SPIN2A: variants seen among roughly 807,000 people sequenced by gnomAD.
The protein encoded by SPIN2A is spindlin family member 2A, also known as spindlin-2A.
Under a neutral mutation model 9.2 loss-of-function variants are expected in SPIN2A, and 4 were observed. That is an observed-to-expected ratio of 0.44 (90% CI 0.21 to 1.00). The LOEUF (loss-of-function observed/expected upper bound fraction) is 1.00, where lower values mean the gene tolerates loss of function less well. SPIN2A is among the 50% of genes least tolerant of loss of function. The pLI is 0.26. For synonymous variants in SPIN2A, 25 were observed against 61.2 expected (o/e 0.41, Z 2.76); for missense variants, 77 against 172.8 (o/e 0.45, Z 3.11).
At chrX:57,146,681 G>T in the SPIN2A span, among the ~76,000 whole-genome samples, 21 of 112,098 alleles carry the variant, frequency 1.9e-4, no homozygotes, top group South Asian at 7.8e-3. Context: ...TCTCCATTCA[G>T]TATAATGTTG....
upstream of SPIN2A, among the ~76,000 whole-genome samples, chrX:57,138,886 T>G (rs993284630): frequency 8.9e-6 from 1 of 112,185 alleles, no homozygotes; most frequent in African/African-American, 3.2e-5. Context: ...ACTCAGCTCT[T>G]TTGCCCATTT....
chrX:57,135,700 G>C lies in SPIN2A; in HGVS notation c.*121C>G, dbSNP rs1369207653. 2.7e-6 allele frequency: 3 copies of C among 1,114,560 alleles called. No homozygotes were observed. The African/African-American group carries it at 5.6e-5, about 21-fold the overall frequency. 91.9% of individuals were successfully genotyped at this position (1,114,560 alleles called of 1,213,427 possible). On this transcript the variant is annotated 3_prime_UTR_variant, in exon 2 of 2. Coordinates refer to ENST00000374906, the MANE Select transcript of SPIN2A (RefSeq NM_019003.5). ...TTAGAGCAAAACAACAGTTAATGCT[G>C]GCAAAGATGTTTAGTTATCAGGGAT...
chrX:57,141,873 G>A (rs778333385), upstream of SPIN2A, among the ~76,000 whole-genome samples: 96 of 110,477 alleles, frequency 8.7e-4, no homozygotes, highest in Middle Eastern at 9.3e-3. Flanking sequence ...ATGGTGGTTT[G>A]CTGCACCTGT....
At chrX:57,137,420 C>G, upstream of SPIN2A, 3 of 711,095 alleles carry the variant, frequency 4.2e-6, no homozygotes, top group Non-Finnish European at 5.0e-6. Context: ...GTCCCCAGCG[C>G]TTCGCTCGCT....
At chrX:57,145,442 A>T in the SPIN2A span, among the ~76,000 whole-genome samples, 1 of 111,373 alleles carries the variant, frequency 9.0e-6, no homozygotes, top group Non-Finnish European at 1.9e-5. Context: ...AGTTCCCAGG[A>T]GATTCCGGAT....
At chrX:57,139,254 A>T (rs1021279929), upstream of SPIN2A, among the ~76,000 whole-genome samples, 4 of 112,265 alleles carry the variant, frequency 3.6e-5, no homozygotes, top group Non-Finnish European at 7.5e-5. Flanking sequence ...AGATATGTCT[A>T]GTTTCATTCT....
At chrX:57,141,040 G>T (rs934415973), upstream of SPIN2A, among the ~76,000 whole-genome samples, 2 of 111,820 alleles carry the variant, frequency 1.8e-5, no homozygotes, top group Admixed American at 1.9e-4. Context: ...AGGCTTTCAG[G>T]TTTTTTCCCA....
upstream of SPIN2A, among the ~76,000 whole-genome samples, chrX:57,138,676 C>T (rs901369934): frequency 2.7e-5 from 3 of 111,308 alleles, no homozygotes; most frequent in Middle Eastern, 9.2e-3. Context: ...TATATCCCCA[C>T]GAGCAATTTA....
intron 1 of SPIN2A, 192 bp downstream of exon 1, chrX:57,137,068 C>G: frequency 1.2e-6 from 1 of 805,452 alleles, no homozygotes; most frequent in South Asian, 5.5e-5. Context: ...TTGTCTGGCT[C>G]CTATTCCTAC....
At chrX:57,135,616 T>G, downstream of SPIN2A, 1 of 916,721 alleles carries the variant, frequency 1.1e-6, no homozygotes, top group South Asian at 2.7e-5. Flanking sequence ...ACACCCGAAC[T>G]TTTCAACAAG....
upstream of SPIN2A, among the ~76,000 whole-genome samples, chrX:57,140,633 A>G (rs1569188250): frequency 1.9e-5 from 2 of 107,972 alleles, no homozygotes; most frequent in Non-Finnish European, 3.8e-5. Context: ...TAAAAGCACC[A>G]TGGAATACTA....
At chrX:57,135,579 G>C (rs749014534), downstream of SPIN2A, 2 of 558,108 alleles carry the variant, frequency 3.6e-6, no homozygotes, top group South Asian at 3.4e-5. Flanking sequence ...ACAGCTGTTC[G>C]TTCCTTCCAT....
chrX:57,137,435 G>A (rs958870485), upstream of SPIN2A: 4 of 669,626 alleles, frequency 6.0e-6, no homozygotes, highest in South Asian at 7.7e-5. Flanking sequence ...CTCGCTGGCC[G>A]TCTACCTCCC....
At chrX:57,145,958 T>C in the SPIN2A span, among the ~76,000 whole-genome samples, 2 of 111,459 alleles carry the variant, frequency 1.8e-5, no homozygotes, top group African/African-American at 6.5e-5. Flanking sequence ...TTGGTGACTA[T>C]GGCCTTATAG....
chrX:57,144,225 C>T, the SPIN2A span, among the ~76,000 whole-genome samples: 3 of 110,752 alleles, frequency 2.7e-5, no homozygotes, highest in Non-Finnish European at 5.7e-5. Context: ...TTTCTTTTGC[C>T]GACTTTAGGA....
chrX:57,143,610 A>G, the SPIN2A span, among the ~76,000 whole-genome samples: 1 of 110,425 alleles, frequency 9.1e-6, no homozygotes. Context: ...CTGAGTAGCT[A>G]GAACCATAGG....
At chrX:57,146,317 A>G in the SPIN2A span, among the ~76,000 whole-genome samples, 1 of 110,684 alleles carries the variant, frequency 9.0e-6, no homozygotes, top group South Asian at 3.8e-4. Flanking sequence ...TATTTTATTT[A>G]CTTTGTGGCA....
upstream of SPIN2A, among the ~76,000 whole-genome samples, chrX:57,140,450 C>T (rs1756323254): frequency 2.0e-5 from 2 of 100,460 alleles, no homozygotes; most frequent in African/African-American, 7.8e-5. Flanking sequence ...GAAAAATTAA[C>T]CTGGCGTGGT....
In SPIN2A at chrX:57,135,888, G is replaced by A. The variant is rs1927694776; in HGVS notation, c.710C>T (p.Ser237Phe). Reference sequence around the variant, plus strand: ...ATCATCAAACTTGATGAAATACACAGAGGGTTTGGTTTCCACTTGGTGAAT... The same window carrying A: ...ATCATCAAACTTGATGAAATACACAAAGGGTTTGGTTTCCACTTGGTGAAT... ...MVIHQVETKP[S>F]VYFIKFDDDF... Residue 237 changes from serine to phenylalanine, a missense_variant, in exon 2 of 2, where the codon TCT becomes TTT. Physicochemically the swap from Ser to Phe is radical, Grantham distance 155. This residue lies in a region of SPIN2A where 36 missense variants were observed against 47.6 expected (regional missense o/e 0.76). Transcript: ENST00000374906. 3.3e-6 allele frequency: 4 copies of A among 1,209,810 alleles called. No individual in the cohort carries two copies. The Admixed American group carries it at 8.7e-5, about 26-fold the overall frequency.
Sources: gnomAD v4.1 joint callset for allele counts (sites outside exome capture counted in the v4.1 genomes callset) on GRCh38, gnomAD v4.1.1 for gene constraint, gnomAD v4.1.1 regional missense constraint, MANE v1.5 for transcripts, NCBI Gene and HGNC (gene_info 2026-07-23, HGNC 2026-07-21) for gene names.